The following TENM4 variants were observed in gnomAD, a reference collection of about 807,000 sequenced individuals.
TENM4 encodes teneurin-4.
Under a neutral mutation model 243.3 loss-of-function variants are expected in TENM4, and 82 were observed. The ratio of observed to expected loss-of-function variants is 0.34; its 90% confidence interval spans 0.28 to 0.40. TENM4 has a LOEUF of 0.40. Ranked by LOEUF, TENM4 falls within the 10% of genes least tolerant of loss-of-function variation. TENM4 has a pLI of 1.00. For missense variants in TENM4, 3,138 were observed against 3,673.3 expected, an observed-to-expected ratio of 0.85 and a Z score of 3.77; for synonymous variants, 1,412 against 1,456.3, an observed-to-expected ratio of 0.97 and a Z score of 0.69.
intron 3 of TENM4, among the ~76,000 whole-genome samples, chr11:79,154,335 C>G (rs908698164): frequency 1.3e-5 from 2 of 151,952 alleles, no homozygotes; most frequent in Non-Finnish European, 2.9e-5. Context: ...AACCAGATCT[C>G]ACATAAACTC....
intron 3 of TENM4, among the ~76,000 whole-genome samples, chr11:79,182,007 T>C (rs1053581158): frequency 1.3e-5 from 2 of 150,992 alleles, no homozygotes; most frequent in Non-Finnish European, 2.9e-5. Flanking sequence ...ATTGTCAAGA[T>C]GTCAGTTCTT....
At chr11:79,041,327 G>C (rs1415118057) in intron 6 of TENM4, among the ~76,000 whole-genome samples, 1 of 152,078 alleles carries the variant, frequency 6.6e-6, no homozygotes, top group African/African-American at 2.4e-5. Flanking sequence ...GCCTTCCAAA[G>C]TGCTGGGATT....
intron 1 of TENM4, among the ~76,000 whole-genome samples, chr11:79,401,177 T>C (rs967161660): frequency 1.3e-5 from 2 of 152,224 alleles, no homozygotes; most frequent in Non-Finnish European, 2.9e-5. Flanking sequence ...CTTTTTGTTT[T>C]CCTGCCTCCT....
intron 6 of TENM4, among the ~76,000 whole-genome samples, chr11:78,926,080 G>A (rs1856546035): frequency 6.6e-6 from 1 of 152,008 alleles, no homozygotes; most frequent in African/African-American, 2.4e-5. Flanking sequence ...CGAGAGAGAA[G>A]GTAGTGTGGG....
chr11:79,176,311 C>T (rs1863158365), intron 3 of TENM4, among the ~76,000 whole-genome samples: 1 of 152,190 alleles, frequency 6.6e-6, no homozygotes, highest in Admixed American at 6.5e-5. Context: ...ATCTTCTACA[C>T]TCCATTTACT....
chr11:79,163,893 A>G (rs568811590), intron 3 of TENM4, among the ~76,000 whole-genome samples: 18 of 144,332 alleles, frequency 1.2e-4, no homozygotes, highest in Non-Finnish European at 2.7e-4. Context: ...TATATTATAT[A>G]TGGATATATA....
At chr11:78,995,749 G>A (rs1858158387) in intron 6 of TENM4, among the ~76,000 whole-genome samples, 1 of 151,338 alleles carries the variant, frequency 6.6e-6, no homozygotes, top group Non-Finnish European at 1.5e-5. Flanking sequence ...TCAGAGAGAT[G>A]AGATGCAGAG....
At chr11:78,890,155 G>A in intron 8 of TENM4, 135 bp from the exon 9 acceptor site, 1 of 678,282 alleles carries the variant, frequency 1.5e-6, no homozygotes, top group Non-Finnish European at 2.4e-6. Flanking sequence ...ACAGAGACCT[G>A]GGAAAGGACA....
intron 2 of TENM4, among the ~76,000 whole-genome samples, chr11:79,219,756 C>T (rs961580904): frequency 6.6e-6 from 1 of 152,198 alleles, no homozygotes; most frequent in Non-Finnish European, 1.5e-5. Context: ...CATCTCCTGG[C>T]TGTCCACCGG....
At chr11:79,347,835 A>T (rs985145369) in intron 1 of TENM4, among the ~76,000 whole-genome samples, 1 of 125,920 alleles carries the variant, frequency 7.9e-6, no homozygotes, top group African/African-American at 3.1e-5. Flanking sequence ...TGCGGACTGC[A>T]GTGGCGCAAT....
chr11:78,969,244 T>C (rs927841436), intron 6 of TENM4, among the ~76,000 whole-genome samples: 1 of 152,214 alleles, frequency 6.6e-6, no homozygotes, highest in African/African-American at 2.4e-5. Context: ...TATCAATGTG[T>C]TATTTGGTGA....
chr11:79,293,248 C>T (rs1222704242), intron 2 of TENM4, among the ~76,000 whole-genome samples: 1 of 152,040 alleles, frequency 6.6e-6, no homozygotes, highest in African/African-American at 2.4e-5. Flanking sequence ...CTCTTTGACA[C>T]TTGGTTATTC....
At chr11:79,224,950 TA>T (rs1251828763) in intron 2 of TENM4, among the ~76,000 whole-genome samples, 20 of 141,326 alleles carry the variant, frequency 1.4e-4, no homozygotes, top group Admixed American at 2.1e-4. Context: ...AGACTCTGTC[TA>T]AAAAAAAAAG....
At chr11:78,686,268 G>A (rs1026178972) in intron 29 of TENM4, among the ~76,000 whole-genome samples, 10 of 152,190 alleles carry the variant, frequency 6.6e-5, no homozygotes, top group South Asian at 6.2e-4. Context: ...CTGAACATAC[G>A]GAGGTCCATG....
At chr11:78,768,601 T>G (rs1856587976) in intron 18 of TENM4, among the ~76,000 whole-genome samples, 1 of 152,220 alleles carries the variant, frequency 6.6e-6, no homozygotes, top group African/African-American at 2.4e-5. Flanking sequence ...AGACACTTGG[T>G]TAACATTGGT....
rs763773455 is a variant in TENM4 at position 78,712,605 on chromosome 11, C to T, written c.3931G>A (p.Val1311Met). 6.2e-7 allele frequency: 1 copy of T among 1,614,016 alleles called. No individual in the cohort carries two copies. Among genetic ancestry groups the T allele is most frequent in the Non-Finnish European group, 8.5e-7 (1 of 1,179,906 alleles). The change falls in exon 26 of 34, where the codon GTG (valine) becomes ATG (methionine). Residue 1311 changes from valine (V) to methionine (M), a missense_variant. Physicochemically the swap from Val to Met is conservative, Grantham distance 21. Around this residue, in one of 2 missense-constraint regions of TENM4, gnomAD observed 2,467 missense variants for 3,059.1 expected, o/e 0.81. Coordinates refer to ENST00000278550, the MANE Select transcript of TENM4 (RefSeq NM_001098816.3). ...RVFKIKSTVV[V>M]KDLVKNSEVV... ...TCAGAGTTCTTGACAAGGTCCTTCA[C>T]CACCACAGTGGACTTGATTTTAAAG...
intron 12 of TENM4, among the ~76,000 whole-genome samples, chr11:78,823,113 C>A (rs1857771681): frequency 6.6e-6 from 1 of 152,234 alleles, no homozygotes. Context: ...ATCACTGAGA[C>A]ACACACCAAG....
intron 3 of TENM4, among the ~76,000 whole-genome samples, chr11:79,156,948 G>A (rs11826262): frequency 0.18 from 27,468 of 152,094 alleles, 2,586 homozygotes; most frequent in Non-Finnish European, 0.2. Context: ...TGAGGGGTTG[G>A]GCAGGAGTGG....
At chr11:79,314,890 TG>T (rs769717400) in intron 1 of TENM4, among the ~76,000 whole-genome samples, 1 of 152,242 alleles carries the variant, frequency 6.6e-6, no homozygotes, top group Non-Finnish European at 1.5e-5. Context: ...GTGTGAGGCC[TG>T]GGTTTCAGTA....
Sources: allele counts gnomAD v4.1 joint callset (sites outside exome capture counted in the v4.1 genomes callset), GRCh38; gene constraint gnomAD v4.1.1; regional missense constraint gnomAD v4.1.1; transcripts MANE v1.5; gene names NCBI Gene and HGNC (gene_info 2026-07-23, HGNC 2026-07-21).